Variants in ZGRF1 observed in about 807,000 individuals in gnomAD.
ZGRF1 encodes zinc finger GRF-type containing 1.
In ZGRF1, 196 loss-of-function variants were observed where a neutral mutation model predicts 203.5. The observed-to-expected ratio is 0.96, with a 90% CI of 0.86 to 1.08. The LOEUF is 1.08. ZGRF1 is among the 50% of genes least tolerant of loss of function. ZGRF1 has a pLI of 0.00. For synonymous variants in ZGRF1, 809 were observed against 841.3 expected (o/e 0.96, Z 0.66); for missense variants, 2,326 against 2,416.3 (o/e 0.96, Z 0.78).
chr4:112,570,326 C>T (rs770221088), intron 16 of ZGRF1, among the ~76,000 whole-genome samples: 15 of 152,144 alleles, frequency 9.9e-5, no homozygotes, highest in African/African-American at 1.9e-4. Flanking sequence ...TGGTGGCTCA[C>T]GCCTGTAATC....
intron 10 of ZGRF1, among the ~76,000 whole-genome samples, chr4:112,602,916 G>A (rs930668403): frequency 6.6e-6 from 1 of 152,310 alleles, no homozygotes; most frequent in African/African-American, 2.4e-5. Context: ...GGCAGAAGGA[G>A]AGCTTCTGAG....
intron 24 of ZGRF1, among the ~76,000 whole-genome samples, chr4:112,543,881 C>T (rs1738213403): frequency 6.6e-6 from 1 of 152,068 alleles, no homozygotes; most frequent in South Asian, 2.1e-4. Flanking sequence ...GAGGCAGGGT[C>T]AGAGCTCCGG....
intron 10 of ZGRF1, among the ~76,000 whole-genome samples, chr4:112,596,919 T>C (rs1012437358): frequency 1.3e-5 from 2 of 151,986 alleles, no homozygotes; most frequent in Non-Finnish European, 2.9e-5. Flanking sequence ...TTTAAAGTCA[T>C]TAAAAGTTTC....
At chr4:112,578,362 C>CTAGAGA (rs1745598343) in intron 16 of ZGRF1, among the ~76,000 whole-genome samples, 1 of 120,490 alleles carries the variant, frequency 8.3e-6, no homozygotes, top group Non-Finnish European at 1.8e-5. Flanking sequence ...ATTAAAAGAA[C>CTAGAGA]TAGAGAAGCA....
intron 22 of ZGRF1, among the ~76,000 whole-genome samples, chr4:112,552,241 C>T (rs578003055): frequency 1.3e-5 from 2 of 150,536 alleles, no homozygotes; most frequent in East Asian, 3.9e-4. Flanking sequence ...TGCGCCACTG[C>T]ACTCCAGCCT....
rs1740628028 is a variant in ZGRF1, at chr4:112,554,741, C to T, written c.5162G>A (p.Ser1721Asn). 1 of 1,545,400 alleles carries T rather than the reference C, an allele frequency of 6.5e-7. No homozygotes were observed. ...LGFENFIRVG[S>N]VRKIAKPILP... ...AATTGGTTTGGCAATCTTCCTAACACTCCCAACTCTGATAAAGTTTTCAAA... is the reference window on the plus strand; with the variant it reads ...AATTGGTTTGGCAATCTTCCTAACATTCCCAACTCTGATAAAGTTTTCAAA... The change falls in exon 21 of 28, where the codon AGT becomes AAT. Residue 1721 changes from serine (S) to asparagine (N), a missense_variant. Transcript: ENST00000505019.
chr4:112,558,346 A>T, intron 19 of ZGRF1, 37 bp from the exon 20 acceptor site: 3 of 1,418,874 alleles, frequency 2.1e-6, no homozygotes, highest in Non-Finnish European at 2.8e-6. Context: ...TAAAAAGCAT[A>T]AAATAAATAA....
In ZGRF1 at chr4:112,619,626, G is replaced by T; in HGVS notation, c.416C>A (p.Ala139Glu). Residue 139 changes from alanine to glutamate, a missense_variant, in exon 6 of 28, where the codon GCA becomes GAA. By Grantham distance (107) the Ala-to-Glu change is moderately radical. Coordinates refer to ENST00000505019, the MANE Select transcript of ZGRF1 (RefSeq NM_018392.5). ...GCCAGTTTTCTTAGCCTCATGTGATGCAGCTGATTCACCACTTTCCATAAT... is the reference window on the plus strand; with the variant it reads ...GCCAGTTTTCTTAGCCTCATGTGATTCAGCTGATTCACCACTTTCCATAAT... ...MVIMESGESA[A>E]SHEAKKTGPT... 6.2e-7 allele frequency: 1 copy of T among 1,613,648 alleles called. No homozygotes were observed. Among genetic ancestry groups the T allele is most frequent in the Non-Finnish European group, 8.5e-7 (1 of 1,179,840 alleles).
rs573592167 is a variant in ZGRF1, at chr4:112,566,074, T to C, written c.4439-2800A>G. ...ATGTTTATTACGGCACTATTCACAA[T>C]AGCAAAGACTTGGAACCAACCCAAA... On this transcript the variant is annotated intron_variant, in intron 16 of 27. Transcript: ENST00000505019. Among the ~76,000 whole-genome samples the C allele has an allele frequency of 9.5e-4, 145 of 152,138 alleles. 3 individuals carry two copies. Among genetic ancestry groups the C allele is most frequent in the African/African-American group, 3.2e-3 (133 of 41,490 alleles).
chr4:112,559,513 T>C (rs189644763), intron 19 of ZGRF1, among the ~76,000 whole-genome samples: 1 of 152,304 alleles, frequency 6.6e-6, no homozygotes, highest in East Asian at 1.9e-4. Flanking sequence ...CTTAATCAGA[T>C]TGTGTTTTTA....
rs537848641 is a variant in ZGRF1 at position 112,574,895 on chromosome 4, G to A, written c.4438+6768C>T. Among the ~76,000 whole-genome samples, 11 of 151,956 alleles carry A rather than the reference G, an allele frequency of 7.2e-5. No individual in the cohort carries two copies. In the East Asian group the frequency reaches 7.8e-4, roughly 11 times the overall value. The stretch of plus-strand genomic sequence containing the variant: ...ACAAAAATTAGCTGGATGTGGTAGC[G>A]CGCATCTGTAATCCCACCTACTCGG... On this transcript the variant is annotated intron_variant, in intron 16 of 27. Coordinates refer to ENST00000505019, the MANE Select transcript of ZGRF1 (RefSeq NM_018392.5).
intron 6 of ZGRF1, among the ~76,000 whole-genome samples, chr4:112,614,556 C>T (rs538628329): frequency 1.5e-3 from 221 of 152,288 alleles, no homozygotes; most frequent in African/African-American, 5.2e-3. Context: ...GGGCCAGGTA[C>T]AGTGGCTCAC....
At chr4:112,607,507 G>A (rs1051462171) in intron 8 of ZGRF1, among the ~76,000 whole-genome samples, 1 of 152,146 alleles carries the variant, frequency 6.6e-6, no homozygotes, top group South Asian at 2.1e-4. Context: ...TAGCTCTTTT[G>A]CAATATGTAG....
chr4:112,548,428 TAA>T, intron 22 of ZGRF1, 48 bp from the exon 23 acceptor site: 2 of 1,443,196 alleles, frequency 1.4e-6, no homozygotes, highest in Non-Finnish European at 1.9e-6. Context: ...TAAAAGAAAA[TAA>T]GAGAACGTAT....
intron 16 of ZGRF1, among the ~76,000 whole-genome samples, chr4:112,564,512 A>G (rs1347785219): frequency 6.6e-6 from 1 of 152,220 alleles, no homozygotes; most frequent in East Asian, 1.9e-4. Context: ...AATAAACTGA[A>G]GAGAACCTTA....
chr4:112,573,151 G>A (rs1307378801), intron 16 of ZGRF1, among the ~76,000 whole-genome samples: 2 of 138,296 alleles, frequency 1.4e-5, no homozygotes, highest in Non-Finnish European at 3.1e-5. Context: ...TCAACAAGTG[G>A]ATAAAGAAAT....
intron 19 of ZGRF1, 85 bp from the exon 20 acceptor site, chr4:112,558,394 C>CAAGAAAA: frequency 8.7e-7 from 1 of 1,145,748 alleles, no homozygotes; most frequent in Non-Finnish European, 1.2e-6. Flanking sequence ...GACAGAGTCT[C>CAAGAAAA]ACTCACTCTG....
Position 112,619,450 on chromosome 4 carries a change from G to T in ZGRF1, c.592C>A (p.Pro198Thr), listed in dbSNP as rs1372144446. Residue 198 changes from proline to threonine, a missense_variant, in exon 6 of 28, where the codon CCA becomes ACA. Pro to Thr is a conservative substitution (Grantham distance 38). Transcript: ENST00000505019. The stretch of plus-strand genomic sequence containing the variant: ...ACTTCTGGGTTAATCTGGAAGGATG[G>T]AGAAAAAACCGAAGAAAAATCCATG... ...NAMDFSSVFS[P>T]SFQINPEVLC... 3.1e-6 allele frequency: 5 copies of T among 1,612,038 alleles called. No homozygotes were observed. In the Admixed American group the frequency reaches 8.4e-5, roughly 27 times the overall value.
Position 112,555,709 on chromosome 4 carries a change from A to G in ZGRF1, c.5121-927T>C, listed in dbSNP as rs569744265. On this transcript the variant is annotated intron_variant, in intron 20 of 27. Coordinates refer to ENST00000505019, the MANE Select transcript of ZGRF1 (RefSeq NM_018392.5). ...TTCTCAAGAAACTGTTCTATCCATTAATCAATAGGAAAACATTGTCTGTTC... is the reference window on the plus strand; with the variant it reads ...TTCTCAAGAAACTGTTCTATCCATTGATCAATAGGAAAACATTGTCTGTTC... Among the ~76,000 whole-genome samples, 3 of 152,296 alleles carry G rather than the reference A, an allele frequency of 2.0e-5. No homozygotes were observed. In the East Asian group the frequency reaches 5.8e-4, roughly 29 times the overall value.
Sources: allele counts gnomAD v4.1 joint callset (sites outside exome capture counted in the v4.1 genomes callset), GRCh38; gene constraint gnomAD v4.1.1; transcripts MANE v1.5; gene names NCBI Gene and HGNC (gene_info 2026-07-23, HGNC 2026-07-21).